NUBPL: variants seen among roughly 807,000 people sequenced by gnomAD.
NUBPL encodes the protein iron-sulfur cluster transfer protein NUBPL.
In NUBPL, 31 loss-of-function variants were observed where a neutral mutation model predicts 45.7. That is an observed-to-expected ratio of 0.68 (90% CI 0.51 to 0.92). The LOEUF (loss-of-function observed/expected upper bound fraction) is 0.92, where lower values mean the gene tolerates loss of function less well. NUBPL is among the 40% of genes least tolerant of loss of function. The probability of loss-of-function intolerance (pLI) is 0.00; values close to 1 mark genes in which losing one functional copy is unlikely to be tolerated. For synonymous variants in NUBPL, 144 were observed against 140.9 expected (o/e 1.02, Z -0.15); for missense variants, 401 against 398.7 (o/e 1.01, Z -0.05).
chr14:31,813,158 T>G (rs1324001613), intron 7 of NUBPL, among the ~76,000 whole-genome samples: 2 of 151,928 alleles, frequency 1.3e-5, no homozygotes, highest in African/African-American at 4.8e-5. Context: ...GGCTAATTTT[T>G]TTGTATTTTT....
At position 31,706,803 on chromosome 14, in the gene NUBPL, T is replaced by C. The variant is rs184231988; in HGVS notation, c.513+33229T>C. 8.0e-4 allele frequency among the ~76,000 whole-genome samples: 122 copies of C among 152,342 alleles called. 3 individuals are homozygous for C. The highest frequency in any genetic ancestry group is 3.4e-3 in the Middle Eastern group (1 of 294). On this transcript the variant is annotated intron_variant, in intron 6 of 10. Coordinates refer to ENST00000281081, the MANE Select transcript of NUBPL (RefSeq NM_025152.3). The stretch of plus-strand genomic sequence containing the variant: ...TGTGTGGCAGTAGGATAATACATGT[T>C]ACACTGTTAATTTTTAGTAAACCTT...
intron 6 of NUBPL, among the ~76,000 whole-genome samples, chr14:31,704,285 G>A (rs935853382): frequency 6.6e-6 from 1 of 152,160 alleles, no homozygotes; most frequent in African/African-American, 2.4e-5. Context: ...GTCCCCTTTA[G>A]AAGCCTGCCT....
chr14:31,724,305 G>A (rs1275381266), intron 6 of NUBPL, among the ~76,000 whole-genome samples: 1 of 152,158 alleles, frequency 6.6e-6, no homozygotes, highest in Non-Finnish European at 1.5e-5. Flanking sequence ...CTGGTACTGT[G>A]CTTGGTTGGG....
At chr14:31,752,425 A>G (rs776900197) in intron 6 of NUBPL, among the ~76,000 whole-genome samples, 1 of 152,188 alleles carries the variant, frequency 6.6e-6, no homozygotes, top group Non-Finnish European at 1.5e-5. Context: ...TCTCAAGTTT[A>G]GAGATCCCCA....
rs188715141 is a variant in NUBPL, at chr14:31,709,400, C to A, written c.513+35826C>A. The stretch of plus-strand genomic sequence containing the variant: ...ACAGGTCAACAGATGTTTGCAACTG[C>A]AGTCCCCATGATCTGAGTCAAGGTC... On this transcript the variant is annotated intron_variant, in intron 6 of 10. Coordinates refer to ENST00000281081, the MANE Select transcript of NUBPL (RefSeq NM_025152.3). Among the ~76,000 whole-genome samples the A allele has an allele frequency of 1.2e-3, 176 of 152,358 alleles. 1 individual carries two copies. The highest frequency in any genetic ancestry group is 1.9e-3 in the Non-Finnish European group (126 of 68,036).
intron 6 of NUBPL, among the ~76,000 whole-genome samples, chr14:31,720,462 C>T (rs180882345): frequency 6.6e-6 from 1 of 152,214 alleles, no homozygotes; most frequent in East Asian, 1.9e-4. Context: ...GTATTTTGGT[C>T]CTGTCTGTCC....
intron 6 of NUBPL, among the ~76,000 whole-genome samples, chr14:31,683,352 C>CTTTTTTTTTTT (rs34890900): frequency 3.3e-5 from 3 of 91,030 alleles, no homozygotes; most frequent in Admixed American, 1.6e-4. Flanking sequence ...ATAAAACAAT[C>CTTTTTTTTTTT]TTTTTTTTTT....
At chr14:31,608,367 A>G (rs989395181) in intron 4 of NUBPL, among the ~76,000 whole-genome samples, 3 of 152,138 alleles carry the variant, frequency 2.0e-5, no homozygotes, top group African/African-American at 7.2e-5. Flanking sequence ...CAGCCTGGCC[A>G]GCATGGTGAA....
intron 6 of NUBPL, among the ~76,000 whole-genome samples, chr14:31,779,766 GT>G (rs1284795955): frequency 6.6e-6 from 1 of 152,192 alleles, no homozygotes; most frequent in Non-Finnish European, 1.5e-5. Context: ...AATAACAGAT[GT>G]ACTTTTGCTT....
rs186697556 is a variant in NUBPL, at chr14:31,740,528, G to A, written c.514-47252G>A. The stretch of plus-strand genomic sequence containing the variant: ...GTTTTCTTGTTGTTGAGTTTTAAGA[G>A]TTCTTTGTATGTTTTGGATAACAAT... On this transcript the variant is annotated intron_variant, in intron 6 of 10. Transcript: ENST00000281081. 1.9e-3 allele frequency among the ~76,000 whole-genome samples: 284 copies of A among 152,264 alleles called. 1 individual carries two copies. The highest frequency in any genetic ancestry group is 6.7e-3 in the African/African-American group (279 of 41,544).
chr14:31,666,547 G>GCCA (rs1324386969), intron 4 of NUBPL, among the ~76,000 whole-genome samples: 2 of 151,998 alleles, frequency 1.3e-5, no homozygotes, highest in Admixed American at 1.3e-4. Context: ...ACAGGCATGA[G>GCCA]CCACCGTGCC....
intron 6 of NUBPL, among the ~76,000 whole-genome samples, chr14:31,711,347 G>T (rs552098678): frequency 6.6e-6 from 1 of 152,140 alleles, no homozygotes; most frequent in Non-Finnish European, 1.5e-5. Context: ...TCTGGTTGCC[G>T]CGCTAGTAGC....
At chr14:31,829,899 G>A (rs2040162755) in intron 8 of NUBPL, among the ~76,000 whole-genome samples, 1 of 152,068 alleles carries the variant, frequency 6.6e-6, no homozygotes, top group Non-Finnish European at 1.5e-5. Flanking sequence ...AATATTTGTA[G>A]GTAGACTATT....
At chr14:31,744,652 C>T in intron 6 of NUBPL, among the ~76,000 whole-genome samples, 1 of 131,674 alleles carries the variant, frequency 7.6e-6, no homozygotes, top group Admixed American at 8.4e-5. Context: ...GATGGAGTCT[C>T]ACTCTGTCAC....
chr14:31,675,705 C>T (rs1222669474), intron 6 of NUBPL, among the ~76,000 whole-genome samples: 2 of 152,186 alleles, frequency 1.3e-5, no homozygotes, highest in South Asian at 2.1e-4. Context: ...TGTGGTCATT[C>T]TGATATCCTG....
At chr14:31,770,100 C>T (rs1221328657) in intron 6 of NUBPL, among the ~76,000 whole-genome samples, 3 of 152,022 alleles carry the variant, frequency 2.0e-5, no homozygotes, top group African/African-American at 7.2e-5. Flanking sequence ...AATCTCAAAA[C>T]TTCATTTTAA....
At chr14:31,675,479 A>T (rs2036672371) in intron 6 of NUBPL, among the ~76,000 whole-genome samples, 1 of 152,236 alleles carries the variant, frequency 6.6e-6, no homozygotes. Context: ...GCTAGATAGA[A>T]CTTTTGTACC....
At chr14:31,802,178 G>T (rs2039603328) in intron 7 of NUBPL, among the ~76,000 whole-genome samples, 1 of 152,162 alleles carries the variant, frequency 6.6e-6, no homozygotes, top group South Asian at 2.1e-4. Context: ...CTTACAGGAG[G>T]GAGGGAGTTC....
rs528956467 is a variant in NUBPL at position 31,860,262 on chromosome 14, C to T, written c.*1082C>T. ...AGGTTGCAGTGAGTGGAGATTGTAC[C>T]ACTGCACTCCAGCCTGGTCAATGGA... On this transcript the variant is annotated 3_prime_UTR_variant, in exon 11 of 11. Coordinates refer to ENST00000281081, the MANE Select transcript of NUBPL (RefSeq NM_025152.3). The T allele has an allele frequency of 7.5e-6, 1 of 133,714 alleles. No individual in the cohort carries two copies. The highest frequency in any genetic ancestry group is 8.8e-5 in the Admixed American group (1 of 11,376). The allele number at this position is 133,714 out of a possible 1,614,324, so 8.3% of individuals were successfully genotyped here. A position where few individuals can be genotyped will look rare whatever the true frequency, so the allele number is the denominator to read the frequency against.
Sources: allele counts gnomAD v4.1 joint callset (sites outside exome capture counted in the v4.1 genomes callset), GRCh38; gene constraint gnomAD v4.1.1; transcripts MANE v1.5; gene names NCBI Gene and HGNC (gene_info 2026-07-23, HGNC 2026-07-21).